The following PPOX variants were observed in gnomAD, a reference collection of about 807,000 sequenced individuals.
PPOX encodes variegate porphyria.
In PPOX, 23 loss-of-function variants were observed where a neutral mutation model predicts 54.1. The ratio of observed to expected loss-of-function variants is 0.43; its 90% CI spans 0.31 to 0.60. The LOEUF is 0.60. PPOX is among the 20% of genes least tolerant of loss of function. The pLI is 0.13. For synonymous variants in PPOX, 224 were observed against 236.1 expected, an observed-to-expected ratio of 0.95 and a Z score of 0.47; for missense variants, 512 against 601.1, an observed-to-expected ratio of 0.85 and a Z score of 1.55.
upstream of PPOX, chr1:161,166,305 T>A (rs1658866013): frequency 9.8e-7 from 1 of 1,022,536 alleles, no homozygotes; most frequent in Non-Finnish European, 1.2e-6. Flanking sequence ...CTCTTACAGC[T>A]GCCGTCGCTC....
upstream of PPOX, chr1:161,166,397 G>A (rs1208855715): frequency 4.6e-6 from 5 of 1,076,430 alleles, no homozygotes; most frequent in Middle Eastern, 4.5e-4. Context: ...AGGAGAGGTA[G>A]GGTTAGGCGC....
chr1:161,170,319 T>TGGGGGGGGGGGGG, intron 9 of PPOX, 90 bp from the exon 10 acceptor site: 1 of 514,786 alleles, frequency 1.9e-6, no homozygotes, highest in Non-Finnish European at 3.8e-6. Flanking sequence ...AGTGAGACTC[T>TGGGGGGGGGGGGG]GTCCCCCCCA....
chr1:161,169,983 G>A lies in PPOX; in HGVS notation c.946G>A (p.Val316Met), dbSNP rs1660572010. 2 of 1,614,140 alleles carry A rather than the reference G, an allele frequency of 1.2e-6. No homozygotes were observed. Among genetic ancestry groups the A allele is most frequent in the African/African-American group, 2.7e-5 (2 of 75,052 alleles). The change falls in exon 9 of 13, where the codon GTG becomes ATG. Residue 316 changes from valine to methionine, a missense_variant. Val to Met is a conservative substitution (Grantham distance 21). Coordinates refer to ENST00000367999, the MANE Select transcript of PPOX (RefSeq NM_001122764.3). Reference sequence around the variant, plus strand: ...TGCCATCACTGCAGTGTCTGTAGCTGTGGTGAATCTGCAGTACCAAGGAGC... The same window carrying A: ...TGCCATCACTGCAGTGTCTGTAGCTATGGTGAATCTGCAGTACCAAGGAGC... ...LSAITAVSVA[V>M]VNLQYQGAHL...
chr1:161,177,113 A>G (rs1182079944), downstream of PPOX: 12 of 1,516,118 alleles, frequency 7.9e-6, no homozygotes, highest in African/African-American at 4.1e-5. Flanking sequence ...ACTGCTGAAG[A>G]GAAAGGGAGA....
chr1:161,167,213 A>G lies in PPOX; in HGVS notation c.201A>G (p.Leu67=). 2.5e-6 allele frequency: 4 copies of G among 1,614,118 alleles called. No homozygotes were observed. The South Asian group carries it at 4.4e-5, about 18-fold the overall frequency. ...GGGGAATTAGGCCAGCGGGAGCCCT[A>G]GGGGCCCGGACCTTGCTCCTGGTGA... ...GPRGIRPAGA[L]GARTLLLVSE... The change falls in exon 3 of 13, where the codon CTA becomes CTG. Residue 67 remains leucine (L), a synonymous_variant. Transcript: ENST00000367999.
At chr1:161,173,729 T>C (rs1000092132), downstream of PPOX, 3 of 1,613,876 alleles carry the variant, frequency 1.9e-6, no homozygotes, top group Non-Finnish European at 2.5e-6. Context: ...TACGGGAGGC[T>C]AGGGAGAGAA....
At chr1:161,171,370 A>T, downstream of PPOX, 1 of 966,924 alleles carries the variant, frequency 1.0e-6, no homozygotes, top group Non-Finnish European at 1.5e-6. Flanking sequence ...AGCCAGGACC[A>T]GAAGAGGGAG....
At chr1:161,167,068 G>T in intron 2 of PPOX, 32 bp from the exon 3 acceptor site, 1 of 1,614,134 alleles carries the variant, frequency 6.2e-7, no homozygotes, top group Non-Finnish European at 8.5e-7. Flanking sequence ...GGCTACAGGC[G>T]GTGCTGCAGT....
intron 9 of PPOX, 192 bp from the exon 10 acceptor site, chr1:161,170,217 C>G: frequency 1.2e-6 from 1 of 854,532 alleles, no homozygotes; most frequent in Non-Finnish European, 1.9e-6. Flanking sequence ...CTCAGCTACT[C>G]GGGAGGCTAA....
At chr1:161,173,988 C>T (rs751401924), downstream of PPOX, 33 of 1,614,008 alleles carry the variant, frequency 2.0e-5, no homozygotes, top group Middle Eastern at 1.6e-4. Context: ...CTCTTCATCA[C>T]GCAGGGCCTC....
At chr1:161,171,637 C>T, downstream of PPOX, 1 of 787,320 alleles carries the variant, frequency 1.3e-6, no homozygotes, top group South Asian at 1.8e-5. Context: ...GAGAGAGGGA[C>T]CCCTCAGGTC....
At position 161,166,636 on chromosome 1, in the gene PPOX, C is replaced by T; in HGVS notation, c.-45C>T. 2.0e-5 allele frequency: 29 copies of T among 1,467,646 alleles called. No homozygotes were observed. The highest frequency in any genetic ancestry group is 2.4e-5 in the Non-Finnish European group (27 of 1,111,724). 90.9% of individuals were successfully genotyped at this position (1,467,646 alleles called of 1,614,324 possible). A position where few individuals can be genotyped will look rare whatever the true frequency, so the allele number is the denominator to read the frequency against. ...GGTACGGTCTTAGGACCTCGATCTC[C>T]TTCTCCCTCATTTTCTCTCATCCCT... On this transcript the variant is annotated 5_prime_UTR_variant, in exon 1 of 13. Coordinates refer to ENST00000367999, the MANE Select transcript of PPOX (RefSeq NM_001122764.3).
rs371241187 is a variant in PPOX at position 161,171,059 on chromosome 1, T to C, written c.1317T>C (p.Ala439=). Residue 439 remains alanine, a synonymous_variant, in exon 13 of 13, where the codon GCT becomes GCC. Coordinates refer to ENST00000367999, the MANE Select transcript of PPOX (RefSeq NM_001122764.3). ...KLESARQFLT[A]HRLPLTLAGA... ...AGTCAGCTAGGCAATTCCTGACTGCTCACAGGTTGCCCCTGACTCTGGCTG... is the reference window on the plus strand; with the variant it reads ...AGTCAGCTAGGCAATTCCTGACTGCCCACAGGTTGCCCCTGACTCTGGCTG... 6 of 1,614,084 alleles carry C rather than the reference T, an allele frequency of 3.7e-6. 1 individual carries two copies. In the Admixed American group the frequency reaches 1.0e-4, roughly 27 times the overall value.
upstream of PPOX, chr1:161,166,259 C>T (rs912525463): frequency 1.0e-6 from 1 of 967,512 alleles, no homozygotes; most frequent in South Asian, 4.8e-5. Flanking sequence ...TACGGCCGCT[C>T]ACTCCCAGCT....
At chr1:161,169,217 A>G (rs764263717) in intron 7 of PPOX, 34 bp downstream of exon 7, 6 of 1,609,376 alleles carry the variant, frequency 3.7e-6, no homozygotes, top group South Asian at 1.1e-5. Context: ...TGAACCTGTC[A>G]GTGTTTCCAT....
intron 4 of PPOX, chr1:161,176,818 G>T: frequency 6.6e-7 from 1 of 1,525,990 alleles, no homozygotes; most frequent in South Asian, 1.2e-5. Flanking sequence ...GTGGGGACAG[G>T]ACAGCTAATG....
At chr1:161,175,066 C>A, downstream of PPOX, 1 of 1,614,028 alleles carries the variant, frequency 6.2e-7, no homozygotes. Context: ...GAGCAGCAGG[C>A]GCAGGTGGTG....
intron 9 of PPOX, 88 bp from the exon 10 acceptor site, chr1:161,170,321 T>TGGGGGGGGGCCCCCCCC: frequency 2.7e-6 from 1 of 367,766 alleles, no homozygotes; most frequent in Non-Finnish European, 5.3e-6. Context: ...TGAGACTCTG[T>TGGGGGGGGGCCCCCCCC]CCCCCCCACC....
chr1:161,168,835 G>A (rs1040494326), intron 6 of PPOX, among the ~76,000 whole-genome samples, 158 bp from the exon 7 acceptor site: 1 of 152,076 alleles, frequency 6.6e-6, no homozygotes, highest in African/African-American at 2.4e-5. Context: ...GCTAATCTTT[G>A]TATTTTTTTG....
Sources: gnomAD v4.1 joint callset for allele counts (sites outside exome capture counted in the v4.1 genomes callset) on GRCh38, gnomAD v4.1.1 for gene constraint, MANE v1.5 for transcripts, NCBI Gene and HGNC (gene_info 2026-07-23, HGNC 2026-07-21) for gene names.